The following F13A1 variants were observed in gnomAD, a reference collection of about 807,000 sequenced individuals.
The protein encoded by F13A1 is coagulation factor XIII A chain, also known as FSF, A subunit.
Under a neutral mutation model 80.1 loss-of-function variants are expected in F13A1, and 47 were observed. That is an observed-to-expected ratio of 0.59 (90% CI 0.46 to 0.75). The LOEUF is 0.75. F13A1 is among the 30% of genes least tolerant of loss of function. The probability of loss-of-function intolerance (pLI) is 0.00; values close to 1 mark genes in which losing one functional copy is unlikely to be tolerated. For missense variants in F13A1, 817 were observed against 930.4 expected (o/e 0.88, Z 1.59); for synonymous variants, 349 against 344.9 (o/e 1.01, Z -0.13).
intron 10 of F13A1, among the ~76,000 whole-genome samples, chr6:6,191,063 A>G (rs1456718225): frequency 6.6e-6 from 1 of 152,218 alleles, no homozygotes; most frequent in African/African-American, 2.4e-5. Flanking sequence ...GAGTGAGGCA[A>G]TGCCTCACCC....
chr6:6,251,792 A>G (rs1757636498), intron 4 of F13A1, among the ~76,000 whole-genome samples: 1 of 152,232 alleles, frequency 6.6e-6, no homozygotes, highest in Admixed American at 6.5e-5. Flanking sequence ...GCAATCCCTA[A>G]TGAAGTAACG....
At chr6:6,286,983 G>C (rs1993554) in intron 3 of F13A1, among the ~76,000 whole-genome samples, 19,971 of 152,182 alleles carry the variant, frequency 0.13, 1,541 homozygotes, top group East Asian at 0.22. Context: ...TGAAAATAAG[G>C]CTGGTAATTG....
intron 5 of F13A1, among the ~76,000 whole-genome samples, chr6:6,248,687 C>T (rs373465038): frequency 6.6e-6 from 1 of 152,132 alleles, no homozygotes; most frequent in Non-Finnish European, 1.5e-5. Flanking sequence ...GGATCATAAG[C>T]TGACTTGAAG....
In F13A1 at chr6:6,167,578, C is replaced by T. The variant is rs1331319994; in HGVS notation, c.1788G>A (p.Met596Ile). ...EAVLIQAGEY[M>I]GQLLEQASLH... is the part of the protein sequence containing the mutation. ...GGGACGCTTGTTCCAGCAGCTGACC[C>T]ATGTACTCGCCGGCTTGGATCAGCA... The change falls in exon 13 of 15, where the codon ATG becomes ATA. Residue 596 changes from methionine (M) to isoleucine (I), a missense_variant. By Grantham distance (10) the Met-to-Ile change is conservative. Coordinates refer to ENST00000264870, the MANE Select transcript of F13A1 (RefSeq NM_000129.4). 1 of 1,613,810 alleles carries T rather than the reference C, an allele frequency of 6.2e-7. No individual in the cohort carries two copies. The highest frequency in any genetic ancestry group is 1.7e-5 in the Admixed American group (1 of 59,990).
chr6:6,264,047 G>C (rs1757811833), intron 4 of F13A1, among the ~76,000 whole-genome samples: 1 of 152,154 alleles, frequency 6.6e-6, no homozygotes, highest in Non-Finnish European at 1.5e-5. Context: ...AACGCCTCCA[G>C]ACCTAAGTGA....
At chr6:6,267,852 T>C (rs751198221) in intron 3 of F13A1, among the ~76,000 whole-genome samples, 5 of 152,254 alleles carry the variant, frequency 3.3e-5, no homozygotes, top group Admixed American at 6.5e-5. Flanking sequence ...GTACCTGTTA[T>C]GTGCTCAACC....
chr6:6,238,109 A>G (rs1171559743), intron 6 of F13A1, among the ~76,000 whole-genome samples: 1 of 152,252 alleles, frequency 6.6e-6, no homozygotes. Context: ...TCATAAGGAC[A>G]TACATATAAA....
intron 8 of F13A1, among the ~76,000 whole-genome samples, chr6:6,204,720 A>AATATAATGAAGGAAGATG: frequency 6.6e-6 from 1 of 152,368 alleles, no homozygotes; most frequent in South Asian, 2.1e-4. Flanking sequence ...CTTGTTAGGA[A>AATATAATGAAGGAAGATG]ATATAATGAA....
At chr6:6,257,088 T>G (rs968932576) in intron 4 of F13A1, among the ~76,000 whole-genome samples, 1 of 152,198 alleles carries the variant, frequency 6.6e-6, no homozygotes, top group Admixed American at 6.5e-5. Flanking sequence ...TTACACTTGC[T>G]TCCCCCTTTA....
In F13A1 at chr6:6,281,993, C is replaced by CAA. The variant is rs10584369; in HGVS notation, c.320-15186_320-15185dup. Among the ~76,000 whole-genome samples, 349 of 92,776 alleles carry CAA rather than the reference C, an allele frequency of 3.8e-3. 2 individuals carry two copies. The highest frequency in any genetic ancestry group is 5.3e-3 in the Non-Finnish European group (254 of 47,544). The allele number at this position is 92,776 out of a possible 152,430, so 60.9% of individuals were successfully genotyped here. On this transcript the variant is annotated intron_variant, in intron 3 of 14. Transcript: ENST00000264870. ...TGGGCGACAGAGTGAGACTCCGTCT[C>CAA]AAAAAAAAAAAAAAAAAAAAAAATG... is the stretch of plus-strand genomic sequence containing the variant.
intron 4 of F13A1, among the ~76,000 whole-genome samples, chr6:6,258,262 T>C (rs940817737): frequency 3.3e-5 from 5 of 152,308 alleles, no homozygotes; most frequent in Admixed American, 2.6e-4. Flanking sequence ...GAACCTGCTT[T>C]CTCTCTTGAA....
chr6:6,251,267 G>T (rs569264875), intron 4 of F13A1, among the ~76,000 whole-genome samples: 19 of 152,296 alleles, frequency 1.2e-4, no homozygotes, highest in Admixed American at 5.2e-4. Flanking sequence ...TGATGCTGAT[G>T]TACGTCTCTA....
At chr6:6,235,541 T>C (rs1398454454) in intron 6 of F13A1, among the ~76,000 whole-genome samples, 1 of 151,988 alleles carries the variant, frequency 6.6e-6, no homozygotes, top group Non-Finnish European at 1.5e-5. Flanking sequence ...AGATGCTCAG[T>C]ATCATCAGCC....
intron 10 of F13A1, among the ~76,000 whole-genome samples, chr6:6,185,296 A>G (rs1267793947): frequency 1.9e-5 from 2 of 107,014 alleles, no homozygotes; most frequent in Admixed American, 1.2e-4. Context: ...CCACCCCACA[A>G]CAGTCCCCAA....
chr6:6,258,099 G>GT (rs955828827), intron 4 of F13A1, among the ~76,000 whole-genome samples: 4 of 151,200 alleles, frequency 2.6e-5, no homozygotes, highest in Non-Finnish European at 1.5e-5. Flanking sequence ...CCATCTATTG[G>GT]TTTTTTTTCT....
At chr6:6,164,238 A>T (rs12196911) in intron 13 of F13A1, among the ~76,000 whole-genome samples, 20,467 of 152,244 alleles carry the variant, frequency 0.13, 1,519 homozygotes, top group Middle Eastern at 0.23. Context: ...GCAGGAACAG[A>T]AAACGTAATA....
intron 7 of F13A1, among the ~76,000 whole-genome samples, chr6:6,223,095 T>G (rs1012712575): frequency 4.6e-5 from 7 of 152,214 alleles, no homozygotes; most frequent in Non-Finnish European, 1.0e-4. Context: ...AGACACGACT[T>G]GGTCAAGACT....
intron 3 of F13A1, among the ~76,000 whole-genome samples, chr6:6,271,475 C>T (rs1757919619): frequency 6.6e-6 from 1 of 152,164 alleles, no homozygotes; most frequent in African/African-American, 2.4e-5. Context: ...AACCTCCATG[C>T]ACGTGTTTGC....
At chr6:6,153,289 TGCCCAGAG>T (rs2151068845) in intron 13 of F13A1, among the ~76,000 whole-genome samples, 1 of 152,296 alleles carries the variant, frequency 6.6e-6, no homozygotes, top group Admixed American at 6.5e-5. Flanking sequence ...GGAAGGACAT[TGCCCAGAG>T]AAGAGGACCC....
Sources: gnomAD v4.1 joint callset for allele counts (sites outside exome capture counted in the v4.1 genomes callset) on GRCh38, gnomAD v4.1.1 for gene constraint, MANE v1.5 for transcripts, NCBI Gene and HGNC (gene_info 2026-07-23, HGNC 2026-07-21) for gene names.